The following LYRM7 variants were observed in gnomAD, a reference collection of about 807,000 sequenced individuals.
LYRM7 encodes LYR motif containing 7.
In LYRM7, 9 loss-of-function variants were observed where a neutral mutation model predicts 15.8. The observed-to-expected ratio is 0.57, with a 90% CI of 0.34 to 0.99. The LOEUF is 0.99. LYRM7 is among the 50% of genes least tolerant of loss of function. The pLI, the probability that LYRM7 is intolerant of heterozygous loss-of-function variation, is 0.02. For synonymous variants in LYRM7, 39 were observed against 39.4 expected (o/e 0.99, Z 0.04); for missense variants, 115 against 119.1 (o/e 0.97, Z 0.16).
At chr5:131,181,816 C>T (rs563304520) in intron 2 of LYRM7, among the ~76,000 whole-genome samples, 13 of 151,980 alleles carry the variant, frequency 8.6e-5, no homozygotes, top group African/African-American at 3.1e-4. Context: ...CTGTTTGCTG[C>T]CAATCTCTGT....
chr5:131,193,477 C>T (rs1755916700), intron 4 of LYRM7, among the ~76,000 whole-genome samples: 1 of 152,202 alleles, frequency 6.6e-6, no homozygotes, highest in Admixed American at 6.5e-5. Context: ...TTTTGTGTTA[C>T]AGTTTCCCTA....
At position 131,200,452 on chromosome 5, in the gene LYRM7, T is replaced by A. The variant is rs1381031372; in HGVS notation, c.*851T>A. ...AGATGGGCAGTATCACAAAAGGTCCTGGCATTCTACCATCTAACACTAGGA... is the reference window on the plus strand; with the variant it reads ...AGATGGGCAGTATCACAAAAGGTCCAGGCATTCTACCATCTAACACTAGGA... On this transcript the variant is annotated 3_prime_UTR_variant, in exon 5 of 5. Coordinates refer to ENST00000379380, the MANE Select transcript of LYRM7 (RefSeq NM_181705.4). 6.6e-6 allele frequency: 1 copy of A among 152,394 alleles called. No individual in the cohort carries two copies. The highest frequency in any genetic ancestry group is 1.5e-5 in the Non-Finnish European group (1 of 68,044). The allele number at this position is 152,394 out of a possible 1,614,324, so 9.4% of individuals were successfully genotyped here. A position where few individuals can be genotyped will look rare whatever the true frequency, so the allele number is the denominator to read the frequency against.
intron 1 of LYRM7, among the ~76,000 whole-genome samples, chr5:131,174,041 G>T (rs1212585645): frequency 6.6e-6 from 1 of 152,206 alleles, no homozygotes; most frequent in African/African-American, 2.4e-5. Flanking sequence ...TTTACCCACA[G>T]TAGAGCATCT....
chr5:131,185,711 T>G (rs868006993), intron 3 of LYRM7, among the ~76,000 whole-genome samples: 1 of 152,212 alleles, frequency 6.6e-6, no homozygotes, highest in South Asian at 2.1e-4. Context: ...GAGGGTCACT[T>G]GAGCCCAGGA....
intron 4 of LYRM7, 88 bp from the exon 5 acceptor site, chr5:131,199,443 A>C: frequency 2.3e-6 from 2 of 873,914 alleles, no homozygotes; most frequent in Non-Finnish European, 3.5e-6. Context: ...ATATTTTACT[A>C]TTTTAAATTT....
intron 4 of LYRM7, among the ~76,000 whole-genome samples, chr5:131,196,494 A>T (rs1043004735): frequency 1.3e-5 from 2 of 151,416 alleles, no homozygotes; most frequent in African/African-American, 2.4e-5. Context: ...CTGAGCTGGC[A>T]CTCTCCTTTT....
chr5:131,189,774 ACC>A (rs1368117378), intron 4 of LYRM7, among the ~76,000 whole-genome samples: 1 of 152,130 alleles, frequency 6.6e-6, no homozygotes, highest in Non-Finnish European at 1.5e-5. Flanking sequence ...AGATCTTCCT[ACC>A]TGGTAGTATA....
At chr5:131,181,751 C>G (rs1755717154) in intron 2 of LYRM7, among the ~76,000 whole-genome samples, 1 of 151,714 alleles carries the variant, frequency 6.6e-6, no homozygotes, top group African/African-American at 2.4e-5. Flanking sequence ...ATTTGTCACT[C>G]ACTTTATATG....
intron 1 of LYRM7, chr5:131,171,551 G>A (rs977104911): frequency 2.0e-5 from 3 of 152,502 alleles, no homozygotes; most frequent in Non-Finnish European, 4.4e-5. Context: ...TGAGCTCACT[G>A]AATGAGCTTG....
chr5:131,199,457 G>T, intron 4 of LYRM7, 74 bp from the exon 5 acceptor site: 3 of 992,272 alleles, frequency 3.0e-6, no homozygotes, highest in Non-Finnish European at 1.5e-6. Flanking sequence ...TAAATTTTAG[G>T]GGGAAATGAG....
intron 4 of LYRM7, among the ~76,000 whole-genome samples, chr5:131,198,209 C>G (rs28479678): frequency 0.1 from 15,189 of 152,046 alleles, 938 homozygotes; most frequent in South Asian, 0.14. Context: ...AGGACATTCT[C>G]TAATGTAACT....
intron 1 of LYRM7, among the ~76,000 whole-genome samples, chr5:131,174,836 C>T (rs976551083): frequency 5.9e-5 from 9 of 151,956 alleles, no homozygotes; most frequent in Non-Finnish European, 1.2e-4. Flanking sequence ...AGAACAAGGC[C>T]CTGTCTCAAA....
chr5:131,185,303 G>C (rs1755780598), intron 3 of LYRM7, among the ~76,000 whole-genome samples: 1 of 152,046 alleles, frequency 6.6e-6, no homozygotes, highest in Non-Finnish European at 1.5e-5. Context: ...ACCTCAACTT[G>C]AACCACATCC....
chr5:131,186,142 G>A (rs553964638), intron 3 of LYRM7, among the ~76,000 whole-genome samples: 10 of 152,176 alleles, frequency 6.6e-5, no homozygotes, highest in Admixed American at 6.5e-4. Flanking sequence ...AGGGTCTCAG[G>A]GTCTCTCAAG....
intron 1 of LYRM7, among the ~76,000 whole-genome samples, chr5:131,178,842 A>G (rs1467119046): frequency 6.6e-6 from 1 of 151,778 alleles, no homozygotes; most frequent in Non-Finnish European, 1.5e-5. Flanking sequence ...CACGCCTGTA[A>G]TCTCAGCTAC....
rs1308048545 is a variant in LYRM7 at position 131,200,972 on chromosome 5, GATTA to G, written c.*1374_*1377del. 1 of 152,008 alleles carries G rather than the reference GATTA, an allele frequency of 6.6e-6. No homozygotes were observed. Among genetic ancestry groups the G allele is most frequent in the Non-Finnish European group, 1.5e-5 (1 of 68,016 alleles). The allele number at this position is 152,008 out of a possible 1,614,324, so 9.4% of individuals were successfully genotyped here. Reference sequence around the variant, plus strand: ...TATAGTCATTATTAGTAGCAGATGAGATTAATAATTCACATGTTTATTAAAGATA... The same window carrying G: ...TATAGTCATTATTAGTAGCAGATGAGATAATTCACATGTTTATTAAAGATA... On this transcript the variant is annotated 3_prime_UTR_variant, in exon 5 of 5. Coordinates refer to ENST00000379380, the MANE Select transcript of LYRM7 (RefSeq NM_181705.4).
At chr5:131,179,313 G>A (rs1755650844) in intron 1 of LYRM7, among the ~76,000 whole-genome samples, 1 of 151,980 alleles carries the variant, frequency 6.6e-6, no homozygotes. Flanking sequence ...GCAAGTCCTG[G>A]TTTTCACCAA....
Position 131,201,336 on chromosome 5 carries a change from G to T in LYRM7, c.*1735G>T, listed in dbSNP as rs1337697721. Reference sequence around the variant, plus strand: ...CTCAAAAAAAAAAAAGAAAAAAAAAGGAAAAAGGAAAAAAAAAAGATATAT... The same window carrying T: ...CTCAAAAAAAAAAAAGAAAAAAAAATGAAAAAGGAAAAAAAAAAGATATAT... On this transcript the variant is annotated 3_prime_UTR_variant, in exon 5 of 5. Coordinates refer to ENST00000379380, the MANE Select transcript of LYRM7 (RefSeq NM_181705.4). The T allele has an allele frequency of 6.7e-6, 1 of 149,696 alleles. No homozygotes were observed. Among genetic ancestry groups the T allele is most frequent in the Non-Finnish European group, 1.5e-5 (1 of 67,544 alleles). The allele number at this position is 149,696 out of a possible 1,614,324, so 9.3% of individuals were successfully genotyped here. A position where few individuals can be genotyped will look rare whatever the true frequency, so the allele number is the denominator to read the frequency against.
rs139778278 is a variant in LYRM7, at chr5:131,189,013, G to A, written c.244+1904G>A. On this transcript the variant is annotated intron_variant, in intron 4 of 4. Coordinates refer to ENST00000379380, the MANE Select transcript of LYRM7 (RefSeq NM_181705.4). ...AATACAAAAACTAGCCAGGCATGGTGGCGCATGCCTGTAATTCCAGCTACT... is the reference window on the plus strand; with the variant it reads ...AATACAAAAACTAGCCAGGCATGGTAGCGCATGCCTGTAATTCCAGCTACT... 5.5e-3 allele frequency among the ~76,000 whole-genome samples: 842 copies of A among 151,984 alleles called. 8 individuals carry two copies. The highest frequency in any genetic ancestry group is 0.02 in the African/African-American group (815 of 41,456).
Sources: allele counts gnomAD v4.1 joint callset (sites outside exome capture counted in the v4.1 genomes callset), GRCh38; gene constraint gnomAD v4.1.1; transcripts MANE v1.5; gene names NCBI Gene and HGNC (gene_info 2026-07-23, HGNC 2026-07-21).